Variants in EDN1 observed in about 807,000 individuals in gnomAD.
The protein encoded by EDN1 is endothelin 1.
EDN1 carries 11 observed loss-of-function variants against 21.7 expected under a neutral mutation model. The observed-to-expected ratio is 0.51, with a 90% CI of 0.32 to 0.84. The LOEUF (loss-of-function observed/expected upper bound fraction) is 0.84. EDN1 is among the 40% of genes least tolerant of loss of function. The pLI is 0.03. For synonymous variants in EDN1, 85 were observed against 90.6 expected (o/e 0.94, Z 0.35); for missense variants, 244 against 262.3 (o/e 0.93, Z 0.48).
chr6:12,272,429 C>T, the EDN1 span, among the ~76,000 whole-genome samples: 1 of 145,946 alleles, frequency 6.9e-6, no homozygotes, highest in African/African-American at 2.5e-5. Context: ...AATAAGTTTA[C>T]ATAATAATTA....
chr6:12,277,900 A>AC, the EDN1 span, among the ~76,000 whole-genome samples: 1 of 152,186 alleles, frequency 6.6e-6, no homozygotes, highest in East Asian at 1.9e-4. Flanking sequence ...TGGCTCCAGA[A>AC]CCCCTTTGGG....
chr6:12,256,744 T>C, the EDN1 span, among the ~76,000 whole-genome samples: 1 of 152,250 alleles, frequency 6.6e-6, no homozygotes, highest in East Asian at 1.9e-4. Context: ...AACAATATAA[T>C]AGAAGGATAG....
the EDN1 span, among the ~76,000 whole-genome samples, chr6:12,234,568 C>G: frequency 6.6e-6 from 1 of 152,184 alleles, no homozygotes. Flanking sequence ...ACTTGGAAGT[C>G]AAGTCTTTCT....
At chr6:12,236,058 T>C in the EDN1 span, among the ~76,000 whole-genome samples, 1 of 152,254 alleles carries the variant, frequency 6.6e-6, no homozygotes, top group Non-Finnish European at 1.5e-5. Flanking sequence ...TGTCAGTCTT[T>C]TTAAACTGTA....
At chr6:12,230,901 G>T in the EDN1 span, among the ~76,000 whole-genome samples, 2 of 152,072 alleles carry the variant, frequency 1.3e-5, no homozygotes, top group East Asian at 3.9e-4. Flanking sequence ...AAAGATTTTT[G>T]GAGACTCAGG....
chr6:12,296,366 G>C lies in EDN1; in HGVS notation c.*299G>C. On this transcript the variant is annotated 3_prime_UTR_variant, in exon 5 of 5. Transcript: ENST00000379375. ...ATTCGGGTGGCATCCTCCGGAGAGA[G>C]AGAGAGGAAGGAGATTCCACACAGG... is the stretch of plus-strand genomic sequence containing the variant. The C allele has an allele frequency of 2.8e-6, 1 of 351,946 alleles. No individual in the cohort carries two copies. Among genetic ancestry groups the C allele is most frequent in the Non-Finnish European group, 5.5e-6 (1 of 181,312 alleles). 21.8% of individuals were successfully genotyped at this position (351,946 alleles called of 1,614,324 possible). A position where few individuals can be genotyped will look rare whatever the true frequency, so the allele number is the denominator to read the frequency against.
the EDN1 span, among the ~76,000 whole-genome samples, chr6:12,283,187 T>C: frequency 1.3e-5 from 2 of 152,340 alleles, no homozygotes; most frequent in Admixed American, 6.5e-5. Flanking sequence ...TCATCTAACT[T>C]TTGTCCTACG....
At chr6:12,269,497 T>C in the EDN1 span, among the ~76,000 whole-genome samples, 32 of 152,204 alleles carry the variant, frequency 2.1e-4, no homozygotes, top group African/African-American at 7.7e-4. Flanking sequence ...TGAGGTCTGT[T>C]ATTTCTATTT....
At chr6:12,293,304 AG>A (rs1263606120) in intron 2 of EDN1, among the ~76,000 whole-genome samples, 7 of 152,214 alleles carry the variant, frequency 4.6e-5, no homozygotes, top group African/African-American at 1.7e-4. Context: ...ATACTTCCAA[AG>A]GGAGGACTTT....
chr6:12,288,601 CCTCT>C (rs1581881168), upstream of EDN1, among the ~76,000 whole-genome samples: 2 of 152,026 alleles, frequency 1.3e-5, no homozygotes, highest in South Asian at 2.1e-4. Context: ...AGAGTTCTTG[CCTCT>C]CTCTCTCCCA....
chr6:12,241,751 T>C, the EDN1 span, among the ~76,000 whole-genome samples: 3 of 152,202 alleles, frequency 2.0e-5, no homozygotes, highest in Admixed American at 1.3e-4. Context: ...AGTAACACTT[T>C]TTTTGGAGAC....
chr6:12,252,494 T>C, the EDN1 span, among the ~76,000 whole-genome samples: 4 of 152,248 alleles, frequency 2.6e-5, no homozygotes, highest in Non-Finnish European at 4.4e-5. Context: ...AGTAGGGTTC[T>C]GCAGCTTGCT....
chr6:12,250,774 G>C, the EDN1 span, among the ~76,000 whole-genome samples: 1 of 152,132 alleles, frequency 6.6e-6, no homozygotes, highest in African/African-American at 2.4e-5. Flanking sequence ...TCTTTCAAAA[G>C]ATATCCCTTT....
At chr6:12,280,072 G>A in the EDN1 span, among the ~76,000 whole-genome samples, 1 of 152,092 alleles carries the variant, frequency 6.6e-6, no homozygotes, top group Non-Finnish European at 1.5e-5. Flanking sequence ...AATGTAAGGA[G>A]GGGAATATAA....
chr6:12,264,095 T>C, the EDN1 span, among the ~76,000 whole-genome samples: 4 of 152,218 alleles, frequency 2.6e-5, no homozygotes, highest in Non-Finnish European at 5.9e-5. Context: ...ATAAAATTAA[T>C]AGGCATGTAA....
the EDN1 span, among the ~76,000 whole-genome samples, chr6:12,231,514 T>G: frequency 1.6e-3 from 247 of 152,290 alleles, no homozygotes; most frequent in African/African-American, 5.5e-3. Flanking sequence ...CTACTAAAAC[T>G]AAATAGTAAT....
intron 1 of EDN1, among the ~76,000 whole-genome samples, chr6:12,290,931 G>T (rs1227445927): frequency 6.6e-6 from 1 of 151,948 alleles, no homozygotes; most frequent in African/African-American, 2.4e-5. Flanking sequence ...ATAACTTATC[G>T]TTTTATTATT....
the EDN1 span, among the ~76,000 whole-genome samples, chr6:12,282,520 C>T: frequency 6.6e-6 from 1 of 152,214 alleles, no homozygotes; most frequent in East Asian, 1.9e-4. Context: ...TTTTCTCACA[C>T]TCCAGGAAGA....
the EDN1 span, among the ~76,000 whole-genome samples, chr6:12,249,716 C>T: frequency 4.0e-5 from 6 of 151,826 alleles, no homozygotes; most frequent in South Asian, 2.1e-4. Context: ...AAGGCATTAA[C>T]GAGTTTGGTA....
Sources: gnomAD v4.1 joint callset for allele counts (sites outside exome capture counted in the v4.1 genomes callset) on GRCh38, gnomAD v4.1.1 for gene constraint, MANE v1.5 for transcripts, NCBI Gene and HGNC (gene_info 2026-07-23, HGNC 2026-07-21) for gene names.